The following TXNDC16 variants were observed in gnomAD, a reference collection of about 807,000 sequenced individuals.
TXNDC16 encodes thioredoxin domain containing 16, also known as thioredoxin domain-containing protein 16.
A neutral mutation model predicts 85.6 loss-of-function variants in TXNDC16; 74 were observed. That is an observed-to-expected ratio of 0.86 (90% CI 0.72 to 1.05). TXNDC16 has a LOEUF of 1.05. TXNDC16 is among the 50% of genes least tolerant of loss of function. TXNDC16 has a pLI of 0.00. For missense variants in TXNDC16, 959 were observed against 947.0 expected, an observed-to-expected ratio of 1.01 and a Z score of -0.17; for synonymous variants, 335 against 326.5, an observed-to-expected ratio of 1.03 and a Z score of -0.28.
At chr14:52,524,966 C>CA (rs983776904) in intron 6 of TXNDC16, among the ~76,000 whole-genome samples, 2 of 151,766 alleles carry the variant, frequency 1.3e-5, no homozygotes, top group African/African-American at 2.4e-5. Context: ...ACTAAAAATA[C>CA]AAAAAATTAG....
intron 14 of TXNDC16, among the ~76,000 whole-genome samples, chr14:52,479,518 A>T (rs1309575950): frequency 6.6e-6 from 1 of 152,082 alleles, no homozygotes; most frequent in African/African-American, 2.4e-5. Context: ...ATACACCAAC[A>T]GCGACCAAGC....
chr14:52,535,798 C>G (rs1215111419), intron 6 of TXNDC16, among the ~76,000 whole-genome samples: 2 of 152,068 alleles, frequency 1.3e-5, no homozygotes, highest in Non-Finnish European at 2.9e-5. Context: ...ACTGAGCAAG[C>G]CCAGAGCTAG....
chr14:52,439,618 G>A (rs949249433), intron 19 of TXNDC16, among the ~76,000 whole-genome samples: 18 of 152,076 alleles, frequency 1.2e-4, no homozygotes, highest in East Asian at 1.9e-4. Context: ...GGAGAAAAGC[G>A]GCAGCCAATG....
chr14:52,445,052 A>C (rs2035246794), intron 18 of TXNDC16, among the ~76,000 whole-genome samples: 1 of 152,202 alleles, frequency 6.6e-6, no homozygotes, highest in African/African-American at 2.4e-5. Flanking sequence ...ACACAGATAC[A>C]TACAGAATTT....
intron 6 of TXNDC16, among the ~76,000 whole-genome samples, chr14:52,530,225 A>AATAT (rs1474953370): frequency 2.2e-4 from 15 of 69,680 alleles, no homozygotes; most frequent in African/African-American, 1.1e-3. Flanking sequence ...AATAATATAT[A>AATAT]ATATTACATA....
At chr14:52,452,042 T>C (rs1253750927) in intron 18 of TXNDC16, among the ~76,000 whole-genome samples, 1 of 151,998 alleles carries the variant, frequency 6.6e-6, no homozygotes, top group African/African-American at 2.4e-5. Flanking sequence ...ATGCCAACAG[T>C]GAACAATCTG....
At chr14:52,470,879 T>C (rs1228205259) in intron 14 of TXNDC16, among the ~76,000 whole-genome samples, 199 bp from the exon 15 acceptor site, 1 of 152,200 alleles carries the variant, frequency 6.6e-6, no homozygotes, top group Non-Finnish European at 1.5e-5. Context: ...CTCCTTTTTG[T>C]TCCCTTTTGC....
intron 9 of TXNDC16, among the ~76,000 whole-genome samples, chr14:52,509,138 A>G (rs1008545326): frequency 1.3e-5 from 2 of 152,098 alleles, no homozygotes; most frequent in African/African-American, 2.4e-5. Context: ...ATTATCTATC[A>G]AAGAAAACAA....
At chr14:52,535,449 T>C (rs1039594122) in intron 6 of TXNDC16, among the ~76,000 whole-genome samples, 2 of 152,174 alleles carry the variant, frequency 1.3e-5, no homozygotes, top group African/African-American at 4.8e-5. Context: ...ACTTTTCACC[T>C]GTAAGTTTTG....
At chr14:52,511,522 G>A in intron 8 of TXNDC16, 132 bp from the exon 9 acceptor site, 1 of 515,398 alleles carries the variant, frequency 1.9e-6, no homozygotes, top group East Asian at 3.3e-5. Context: ...GCCTGAAAGA[G>A]TATAAAATTA....
chr14:52,444,310 C>T (rs186898114), intron 18 of TXNDC16, among the ~76,000 whole-genome samples: 29 of 152,236 alleles, frequency 1.9e-4, no homozygotes, highest in Admixed American at 3.9e-4. Flanking sequence ...ATACTAAACC[C>T]TATTTCCTAA....
intron 9 of TXNDC16, among the ~76,000 whole-genome samples, chr14:52,499,756 C>G (rs1325220938): frequency 6.6e-6 from 1 of 152,026 alleles, no homozygotes; most frequent in Non-Finnish European, 1.5e-5. Flanking sequence ...CATAAGGAAT[C>G]AGTTTCTCTA....
chr14:52,543,928 T>A (rs554380649), intron 2 of TXNDC16, among the ~76,000 whole-genome samples: 133 of 152,108 alleles, frequency 8.7e-4, no homozygotes, highest in Non-Finnish European at 1.6e-3. Context: ...CATTAACCAA[T>A]CCATTTTTTA....
intron 18 of TXNDC16, among the ~76,000 whole-genome samples, chr14:52,453,574 G>A (rs1357570024): frequency 6.6e-6 from 1 of 152,170 alleles, no homozygotes; most frequent in Non-Finnish European, 1.5e-5. Flanking sequence ...GATAAGCCAG[G>A]CACAGAAAGA....
chr14:52,490,891 C>A lies in TXNDC16; in HGVS notation c.871G>T (p.Glu291Ter). Residue 291 changes from glutamate to a stop codon, truncating the protein, a stop_gained, in exon 10 of 21, where the codon GAA becomes TAA. Coordinates refer to ENST00000281741, the MANE Select transcript of TXNDC16 (RefSeq NM_020784.3). LOFTEE classifies it high-confidence loss of function. ...CCCAGAAGACGCCAAGCAACCCATTCTGCAGTTCTTCTATCAGCTTCATAA... is the reference window on the plus strand; with the variant it reads ...CCCAGAAGACGCCAAGCAACCCATTATGCAGTTCTTCTATCAGCTTCATAA... ...ATYEADRRTA[E>*]WVAWRLLGKA... 6.2e-7 allele frequency: 1 copy of A among 1,613,160 alleles called. No homozygotes were observed. The highest frequency in any genetic ancestry group is 1.1e-5 in the South Asian group (1 of 90,852).
At chr14:52,462,685 T>G (rs1248862753) in intron 16 of TXNDC16, 1 of 277,748 alleles carries the variant, frequency 3.6e-6, no homozygotes, top group Admixed American at 4.9e-5. Context: ...TACTGAAATC[T>G]TTTCAGAAGC....
chr14:52,435,445 C>T (rs111628555), intron 20 of TXNDC16, among the ~76,000 whole-genome samples: 3 of 152,172 alleles, frequency 2.0e-5, no homozygotes, highest in Admixed American at 6.5e-5. Flanking sequence ...TTAAGAGCTA[C>T]AGCTGAAAAG....
chr14:52,508,465 G>A (rs1482969460), intron 9 of TXNDC16, among the ~76,000 whole-genome samples: 5 of 152,340 alleles, frequency 3.3e-5, no homozygotes, highest in African/African-American at 9.6e-5. Flanking sequence ...TACACTGTTG[G>A]TGGGACTGTA....
At chr14:52,535,218 T>C (rs1050856887) in intron 6 of TXNDC16, among the ~76,000 whole-genome samples, 2 of 152,142 alleles carry the variant, frequency 1.3e-5, no homozygotes. Flanking sequence ...ATCTATTACT[T>C]GGACTTTTTG....
Sources: gnomAD v4.1 joint callset for allele counts (sites outside exome capture counted in the v4.1 genomes callset) on GRCh38, gnomAD v4.1.1 for gene constraint, MANE v1.5 for transcripts, NCBI Gene and HGNC (gene_info 2026-07-23, HGNC 2026-07-21) for gene names.